Variants in TGOLN2 observed in about 807,000 individuals in gnomAD.
TGOLN2 encodes the protein trans-golgi network protein 2, also known as trans-Golgi network integral membrane protein 2.
In TGOLN2, 19 loss-of-function variants were observed where a neutral mutation model predicts 31.3. The observed-to-expected ratio is 0.61, with a 90% CI of 0.42 to 0.89. TGOLN2 has a LOEUF of 0.89. Among genes scored for constraint, TGOLN2 ranks in the 40% least tolerant of loss-of-function variants. The pLI is 0.00. For missense variants in TGOLN2, 540 were observed against 559.2 expected (o/e 0.97, Z 0.35); for synonymous variants, 222 against 226.7 (o/e 0.98, Z 0.19).
At position 85,322,756 on chromosome 2, in the gene TGOLN2, G is replaced by C; in HGVS notation, c.1309-15C>G. ...TTCTGTTAGGACTTAGGGGAAAAAA[G>C]ATCTTTTAGGAGGTGCAGGGAAAAC... On this transcript the variant is annotated splice_polypyrimidine_tract_variant and intron_variant, in intron 3 of 3. Transcript: ENST00000377386. The C allele has an allele frequency of 1.2e-6, 2 of 1,610,146 alleles. No homozygotes were observed. Among genetic ancestry groups the C allele is most frequent in the Non-Finnish European group, 1.7e-6 (2 of 1,179,248 alleles).
intron 3 of TGOLN2, among the ~76,000 whole-genome samples, chr2:85,323,303 C>A (rs1008931559): frequency 2.0e-5 from 3 of 152,134 alleles, no homozygotes; most frequent in African/African-American, 7.2e-5. Flanking sequence ...TGGTGGCTCA[C>A]GCCTGTAATC....
Position 85,322,667 on chromosome 2 carries a change from A to T in TGOLN2, c.*69T>A. The T allele has an allele frequency of 1.4e-5, 23 of 1,603,854 alleles. No individual in the cohort carries two copies. The highest frequency in any genetic ancestry group is 1.9e-5 in the Non-Finnish European group (22 of 1,177,718). On this transcript the variant is annotated 3_prime_UTR_variant, in exon 4 of 4. Transcript: ENST00000377386. Reference sequence around the variant, plus strand: ...CAAGGTTCTCAAGGACAAAAAAATCAAAGCTGAAACGAGAGCAGCACAATC... The same window carrying T: ...CAAGGTTCTCAAGGACAAAAAAATCTAAGCTGAAACGAGAGCAGCACAATC...
Position 85,319,959 on chromosome 2 carries a change from A to T in TGOLN2, c.*2777T>A, listed in dbSNP as rs1682493204. The T allele has an allele frequency of 6.6e-6, 1 of 152,452 alleles. No individual in the cohort carries two copies. The highest frequency in any genetic ancestry group is 1.5e-5 in the Non-Finnish European group (1 of 68,232). The allele number at this position is 152,452 out of a possible 1,614,324, so 9.4% of individuals were successfully genotyped here. On this transcript the variant is annotated 3_prime_UTR_variant, in exon 4 of 4. Coordinates refer to ENST00000377386, the MANE Select transcript of TGOLN2 (RefSeq NM_006464.4). ...AAGAGCTGGTGGAGCTGAGGGAAAG[A>T]GTCAACCATGTGGGGTGGGGTAGTG...
chr2:85,327,781 A>AAAGGGGG, intron 1 of TGOLN2, 96 bp from the exon 2 acceptor site: 1 of 301,258 alleles, frequency 3.3e-6, no homozygotes, highest in Non-Finnish European at 5.9e-6. Flanking sequence ...GGGAATGGGG[A>AAAGGGGG]TTGGGGGGTG....
chr2:85,324,652 C>T, intron 3 of TGOLN2: 1 of 481,154 alleles, frequency 2.1e-6, no homozygotes, highest in Non-Finnish European at 3.7e-6. Flanking sequence ...AAGAGTGTTT[C>T]TGCGTGGGCC....
Position 85,326,660 on chromosome 2 carries a change from T to C in TGOLN2, c.1072A>G (p.Thr358Ala), listed in dbSNP as rs565517603. Residue 358 changes from threonine to alanine, a missense_variant, in exon 2 of 4, where the codon ACA (threonine) becomes GCA (alanine). Transcript: ENST00000377386. Reference protein sequence around the residue: ...GSASSENREGTLSDSTGSEKD... With the variant: ...GSASSENREGALSDSTGSEKD... ...TCGCTACCCGTGGAATCCGAAAGTG[T>C]CCCTTCACGGTTCTCACTGGAGGCA... 2 of 1,614,016 alleles carry C rather than the reference T, an allele frequency of 1.2e-6. No individual in the cohort carries two copies. The highest frequency in any genetic ancestry group is 1.7e-5 in the Admixed American group (1 of 60,034).
intron 1 of TGOLN2, 93 bp from the exon 2 acceptor site, chr2:85,327,778 G>T: frequency 6.7e-7 from 1 of 1,495,292 alleles, no homozygotes; most frequent in Non-Finnish European, 9.1e-7. Context: ...CGGGGGAATG[G>T]GGATTGGGGG....
rs140963010 is a variant in TGOLN2 at position 85,319,534 on chromosome 2, C to T, written c.*3202G>A. On this transcript the variant is annotated 3_prime_UTR_variant, in exon 4 of 4. Transcript: ENST00000377386. ...TCCTGTTGTATTCTTTCAACACAAG[C>T]AATGATACTTCTCAGAGTCTGCTCA... The T allele has an allele frequency of 1.2e-4, 19 of 152,274 alleles. No individual in the cohort carries two copies. The highest frequency in any genetic ancestry group is 3.9e-4 in the African/African-American group (16 of 41,538). The allele number at this position is 152,274 out of a possible 1,614,324, so 9.4% of individuals were successfully genotyped here.
At position 85,321,529 on chromosome 2, in the gene TGOLN2, A is replaced by C. The variant is rs1682549623; in HGVS notation, c.*1207T>G. ...GCATGATTAGAAAAGATAAACCTTCAAACAATAGTGTTGTCCAAGACACTA... is the reference window on the plus strand; with the variant it reads ...GCATGATTAGAAAAGATAAACCTTCCAACAATAGTGTTGTCCAAGACACTA... On this transcript the variant is annotated 3_prime_UTR_variant, in exon 4 of 4. Coordinates refer to ENST00000377386, the MANE Select transcript of TGOLN2 (RefSeq NM_006464.4). 6.6e-6 allele frequency: 1 copy of C among 152,640 alleles called. No individual in the cohort carries two copies. The highest frequency in any genetic ancestry group is 6.5e-5 in the Admixed American group (1 of 15,276). The allele number at this position is 152,640 out of a possible 1,614,324, so 9.5% of individuals were successfully genotyped here.
rs1307639363 is a variant in TGOLN2, at chr2:85,320,423, G to A, written c.*2313C>T. ...GTGCAATAAGAGAAGCAAGGAAAATGGAAAGACTGTAGCTGAGGATCTTTT... is the reference window on the plus strand; with the variant it reads ...GTGCAATAAGAGAAGCAAGGAAAATAGAAAGACTGTAGCTGAGGATCTTTT... On this transcript the variant is annotated 3_prime_UTR_variant, in exon 4 of 4. Transcript: ENST00000377386. 2 of 152,128 alleles carry A rather than the reference G, an allele frequency of 1.3e-5. No individual in the cohort carries two copies. Among genetic ancestry groups the A allele is most frequent in the Non-Finnish European group, 2.9e-5 (2 of 68,034 alleles). 9.4% of individuals were successfully genotyped at this position (152,128 alleles called of 1,614,324 possible).
chr2:85,320,658 T>A lies in TGOLN2; in HGVS notation c.*2078A>T, dbSNP rs993556747. On this transcript the variant is annotated 3_prime_UTR_variant, in exon 4 of 4. Coordinates refer to ENST00000377386, the MANE Select transcript of TGOLN2 (RefSeq NM_006464.4). ...TTAGGGATTAAGCCAAGACAAAGAC[T>A]TGGGAATCACTCACTCCGAGGATGA... is the stretch of plus-strand genomic sequence containing the variant. The A allele has an allele frequency of 1.3e-5, 2 of 152,110 alleles. No homozygotes were observed. The highest frequency in any genetic ancestry group is 2.4e-5 in the African/African-American group (1 of 41,396). The allele number at this position is 152,110 out of a possible 1,614,324, so 9.4% of individuals were successfully genotyped here.
At position 85,325,038 on chromosome 2, in the gene TGOLN2, G is replaced by T. The variant is rs1354988288; in HGVS notation, c.1225-40C>A. The T allele has an allele frequency of 7.2e-6, 11 of 1,536,872 alleles. 1 individual carries two copies. In the South Asian group the frequency reaches 1.2e-4, roughly 17 times the overall value. ...AAGAAAATGATTAACAGGTGGCTCTGTAATGACATAGTTCAGTCTCTGAAC... is the reference window on the plus strand; with the variant it reads ...AAGAAAATGATTAACAGGTGGCTCTTTAATGACATAGTTCAGTCTCTGAAC... On this transcript the variant is annotated intron_variant, in intron 2 of 3. Transcript: ENST00000377386.
Position 85,327,461 on chromosome 2 carries a change from G to A in TGOLN2, c.271C>T (p.Gln91Ter). Residue 91 changes from glutamine (Q) to a stop codon, truncating the protein, a stop_gained, in exon 2 of 4, where the codon CAA (glutamine) becomes TAA (stop). Coordinates refer to ENST00000377386, the MANE Select transcript of TGOLN2 (RefSeq NM_006464.4). LOFTEE classifies it high-confidence loss of function. ...CCCGACTTGTTGGAGCTGTCTTTTT[G>A]GGTCTTTGCCTCCGCACCCGACTTG... is the stretch of plus-strand genomic sequence containing the variant. ...PNKSGAEAKTQKDSSNKSGAE... is the reference protein window; with the variant it reads ...PNKSGAEAKT The A allele has an allele frequency of 6.2e-7, 1 of 1,613,366 alleles. No homozygotes were observed. The highest frequency in any genetic ancestry group is 8.5e-7 in the Non-Finnish European group (1 of 1,179,700).
chr2:85,327,868 G>A, intron 1 of TGOLN2, 49 bp downstream of exon 1: 1 of 1,582,350 alleles, frequency 6.3e-7, no homozygotes, highest in South Asian at 1.2e-5. Flanking sequence ...GCCCAGGTGA[G>A]AATGGGGGAT....
rs1222575035 is a variant in TGOLN2 at position 85,326,516 on chromosome 2, T to C, written c.1216A>G (p.Lys406Glu). ...GGCCGCTGTCGACTTACCTTCCGCTTGTTGTGATGAGCGATATAGAGGACA... is the reference window on the plus strand; with the variant it reads ...GGCCGCTGTCGACTTACCTTCCGCTCGTTGTGATGAGCGATATAGAGGACA... Reference protein sequence around the residue: ...VAVLYIAHHNKRKIIAFVLEG... With the variant: ...VAVLYIAHHNERKIIAFVLEG... The change falls in exon 2 of 4, where the codon AAG becomes GAG. Residue 406 changes from lysine to glutamate, a missense_variant. Coordinates refer to ENST00000377386, the MANE Select transcript of TGOLN2 (RefSeq NM_006464.4). 2 of 1,609,944 alleles carry C rather than the reference T, an allele frequency of 1.2e-6. No individual in the cohort carries two copies. The highest frequency in any genetic ancestry group is 1.1e-5 in the South Asian group (1 of 91,064).
At position 85,318,444 on chromosome 2, in the gene TGOLN2, T is replaced by C. The variant is rs182304471; in HGVS notation, c.*4292A>G. The C allele has an allele frequency of 2.6e-5, 4 of 152,370 alleles. No individual in the cohort carries two copies. Among genetic ancestry groups the C allele is most frequent in the Non-Finnish European group, 5.9e-5 (4 of 68,046 alleles). The allele number at this position is 152,370 out of a possible 1,614,324, so 9.4% of individuals were successfully genotyped here. ...TGCAGAACTAGACGAGTTGAGTCAC[T>C]GTTAGCTCTGGATATACCGTTAAAT... On this transcript the variant is annotated 3_prime_UTR_variant, in exon 4 of 4. Coordinates refer to ENST00000377386, the MANE Select transcript of TGOLN2 (RefSeq NM_006464.4).
At chr2:85,325,299 C>T (rs1356208009) in intron 2 of TGOLN2, among the ~76,000 whole-genome samples, 1 of 152,128 alleles carries the variant, frequency 6.6e-6, no homozygotes, top group African/African-American at 2.4e-5. Flanking sequence ...TCTATCAACT[C>T]CTTCCTAGAG....
chr2:85,327,922 G>A lies in TGOLN2; in HGVS notation c.41C>T (p.Ala14Val), dbSNP rs370937238. Reference sequence around the variant, plus strand: ...TGCGGGATGGAGGGTCTTACCCGCCGCTGCGACGTTCAGGAGGACCAAGGC... The same window carrying A: ...TGCGGGATGGAGGGTCTTACCCGCCACTGCGACGTTCAGGAGGACCAAGGC... ...VVALVLLNVAAAGAVPLLATE... is the reference protein window; with the variant it reads ...VVALVLLNVAVAGAVPLLATE... The change falls in exon 1 of 4, where the codon GCG (alanine) becomes GTG (valine). Residue 14 changes from alanine (A) to valine (V), a missense_variant. Ala to Val is a moderately conservative substitution (Grantham distance 64). Transcript: ENST00000377386. The A allele has an allele frequency of 4.4e-6, 7 of 1,603,062 alleles. No homozygotes were observed. The African/African-American group carries it at 9.4e-5, about 21-fold the overall frequency.
chr2:85,327,781 A>AGGGGGG, intron 1 of TGOLN2, 96 bp from the exon 2 acceptor site: 2 of 301,260 alleles, frequency 6.6e-6, no homozygotes, highest in African/African-American at 4.6e-5. Context: ...GGGAATGGGG[A>AGGGGGG]TTGGGGGGTG....
Sources: allele counts gnomAD v4.1 joint callset (sites outside exome capture counted in the v4.1 genomes callset), GRCh38; gene constraint gnomAD v4.1.1; transcripts MANE v1.5; gene names NCBI Gene and HGNC (gene_info 2026-07-23, HGNC 2026-07-21).